Variants in DTNA observed in about 807,000 individuals in gnomAD.
The protein encoded by DTNA is dystrobrevin alpha.
In DTNA, 43 loss-of-function variants were observed where a neutral mutation model predicts 100.7. The observed-to-expected ratio is 0.43, with a 90% CI of 0.33 to 0.55. DTNA has a LOEUF of 0.55. DTNA is among the 20% of genes least tolerant of loss of function. The pLI is 0.04. For missense variants in DTNA, 798 were observed against 953.9 expected (o/e 0.84, Z 2.15); for synonymous variants, 349 against 347.9 (o/e 1.00, Z -0.04).
intron 1 of DTNA, among the ~76,000 whole-genome samples, chr18:34,645,324 T>C (rs2059713303): frequency 6.6e-6 from 1 of 152,020 alleles, no homozygotes; most frequent in Admixed American, 6.5e-5. Context: ...TAGGGCAGTG[T>C]TACTTATTAT....
chr18:34,775,709 G>T (rs925650569), intron 3 of DTNA, among the ~76,000 whole-genome samples: 6 of 152,218 alleles, frequency 3.9e-5, no homozygotes, highest in African/African-American at 1.2e-4. Context: ...GAACTGAACT[G>T]TGCTAACAAA....
chr18:34,652,281 T>C (rs1422666205), intron 1 of DTNA, among the ~76,000 whole-genome samples: 1 of 152,054 alleles, frequency 6.6e-6, no homozygotes, highest in East Asian at 1.9e-4. Context: ...AAATACTCTT[T>C]ATTGAGGAAC....
Position 34,858,315 on chromosome 18 carries a change from G to A in DTNA, c.1563G>A (p.Arg521=). Residue 521 remains arginine, a synonymous_variant, in exon 16 of 23, where the codon CGG becomes CGA. Coordinates refer to ENST00000444659, the MANE Select transcript of DTNA (RefSeq NM_001386795.1). ...TCTTACAGGAGATCCAGAGACTTCGGCTAGAGCATGAACAAGCTTCTCAGC... is the reference window on the plus strand; with the variant it reads ...TCTTACAGGAGATCCAGAGACTTCGACTAGAGCATGAACAAGCTTCTCAGC... ...REILQEIQRL[R]LEHEQASQPT... is the part of the protein sequence containing the mutation. The A allele has an allele frequency of 6.2e-7, 1 of 1,614,064 alleles. No homozygotes were observed. The highest frequency in any genetic ancestry group is 8.5e-7 in the Non-Finnish European group (1 of 1,180,016).
chr18:34,545,346 G>T lies in DTNA; in HGVS notation c.-2+51832G>T, dbSNP rs561210697. 7.9e-5 allele frequency among the ~76,000 whole-genome samples: 12 copies of T among 152,190 alleles called. No homozygotes were observed. In the South Asian group the frequency reaches 2.1e-3, roughly 26 times the overall value. ...GGGTGTTGCAGTCAGTGGGGGACAA[G>T]GATATGATGTAAATCCAAGTTTATA... is the stretch of plus-strand genomic sequence containing the variant. On this transcript the variant is annotated intron_variant, in intron 1 of 19. Coordinates refer to the DTNA transcript ENST00000283365.
chr18:34,536,711 C>T (rs2043750335), intron 1 of DTNA, among the ~76,000 whole-genome samples: 2 of 151,818 alleles, frequency 1.3e-5, no homozygotes, highest in South Asian at 4.1e-4. Flanking sequence ...TCTAATTTGG[C>T]TTTCTTTTTA....
chr18:34,781,977 G>A (rs554465782), intron 3 of DTNA, among the ~76,000 whole-genome samples: 3 of 152,216 alleles, frequency 2.0e-5, no homozygotes, highest in Non-Finnish European at 4.4e-5. Context: ...CTTTCAGAAT[G>A]TGGCCTCTGG....
intron 1 of DTNA, among the ~76,000 whole-genome samples, chr18:34,681,733 C>A (rs933064136): frequency 4.7e-5 from 7 of 147,746 alleles, no homozygotes; most frequent in East Asian, 3.9e-4. Flanking sequence ...CACACACACC[C>A]CACACACACA....
At chr18:34,525,818 A>G (rs1187264103) in intron 1 of DTNA, among the ~76,000 whole-genome samples, 1 of 152,140 alleles carries the variant, frequency 6.6e-6, no homozygotes, top group Non-Finnish European at 1.5e-5. Context: ...TCTACTCAAG[A>G]TGTCTTCTAG....
chr18:34,607,129 A>T (rs918292611), intron 1 of DTNA, among the ~76,000 whole-genome samples: 1 of 152,114 alleles, frequency 6.6e-6, no homozygotes, highest in Non-Finnish European at 1.5e-5. Flanking sequence ...CCATAAAAGT[A>T]TTTTTCTCCA....
intron 8 of DTNA, 75 bp from the exon 9 acceptor site, chr18:34,820,716 T>A: frequency 6.2e-7 from 1 of 1,603,036 alleles, no homozygotes; most frequent in Non-Finnish European, 8.5e-7. Flanking sequence ...ATATCTATTA[T>A]GAAAAGCAAA....
At chr18:34,612,255 G>A (rs1051184659) in intron 1 of DTNA, among the ~76,000 whole-genome samples, 1 of 152,150 alleles carries the variant, frequency 6.6e-6, no homozygotes, top group African/African-American at 2.4e-5. Flanking sequence ...GGACCTCTGG[G>A]ATCCTGCAGC....
chr18:34,558,875 T>G (rs1279772584), intron 1 of DTNA, among the ~76,000 whole-genome samples: 1 of 152,204 alleles, frequency 6.6e-6, no homozygotes, highest in Non-Finnish European at 1.5e-5. Context: ...GAAGCAATGC[T>G]AAGAGATGAG....
rs528188635 is a variant in DTNA at position 34,753,544 on chromosome 18, G to A, written c.-1-2432G>A. On this transcript the variant is annotated intron_variant, in intron 1 of 22. Transcript: ENST00000444659. ...ACTACAGGCGCCCGCCACTACGCCC[G>A]GCTAATTTTTTGTATTTTTAGTAGA... Among the ~76,000 whole-genome samples the A allele has an allele frequency of 3.7e-3, 547 of 146,542 alleles. 10 individuals are homozygous for A. Among genetic ancestry groups the A allele is most frequent in the Middle Eastern group, 0.028 (8 of 290 alleles).
intron 1 of DTNA, among the ~76,000 whole-genome samples, chr18:34,617,614 G>T (rs866839448): frequency 6.6e-6 from 1 of 152,104 alleles, no homozygotes; most frequent in Non-Finnish European, 1.5e-5. Flanking sequence ...CCAGGTTTTG[G>T]TATCACGATG....
intron 1 of DTNA, among the ~76,000 whole-genome samples, chr18:34,653,423 C>G (rs2073898538): frequency 6.6e-6 from 1 of 151,718 alleles, no homozygotes; most frequent in South Asian, 2.1e-4. Context: ...TTCTGCTTGT[C>G]TCTATAGTGA....
chr18:34,653,862 A>G (rs1304409459), intron 1 of DTNA, among the ~76,000 whole-genome samples: 1 of 152,116 alleles, frequency 6.6e-6, no homozygotes, highest in East Asian at 1.9e-4. Flanking sequence ...CCACTGAGGA[A>G]TCCATGCTAA....
intron 1 of DTNA, among the ~76,000 whole-genome samples, chr18:34,544,580 A>G (rs1162842178): frequency 1.3e-5 from 2 of 152,152 alleles, no homozygotes; most frequent in African/African-American, 4.8e-5. Context: ...TGACATAACA[A>G]TTTTAAATTA....
At chr18:34,647,456 C>T (rs2059976202) in intron 1 of DTNA, among the ~76,000 whole-genome samples, 1 of 152,168 alleles carries the variant, frequency 6.6e-6, no homozygotes, top group African/African-American at 2.4e-5. Flanking sequence ...CTAGAAGTAC[C>T]TCGTATCACC....
chr18:34,740,541 G>A (rs1485945913), intron 1 of DTNA, among the ~76,000 whole-genome samples: 1 of 152,156 alleles, frequency 6.6e-6, no homozygotes, highest in Non-Finnish European at 1.5e-5. Flanking sequence ...AAGCATGATT[G>A]TTATGGTCTC....
Sources: gnomAD v4.1 joint callset for allele counts (sites outside exome capture counted in the v4.1 genomes callset) on GRCh38, gnomAD v4.1.1 for gene constraint, MANE v1.5 for transcripts, NCBI Gene and HGNC (gene_info 2026-07-23, HGNC 2026-07-21) for gene names.